Variants in THSD7B observed in about 807,000 individuals in gnomAD.
The protein encoded by THSD7B is thrombospondin type-1 domain-containing protein 7B.
Under a neutral mutation model 213.6 loss-of-function variants are expected in THSD7B, and 138 were observed. That is an observed-to-expected ratio of 0.65 (90% CI 0.56 to 0.74). The LOEUF is 0.74. THSD7B is among the 30% of genes least tolerant of loss of function. The pLI, the probability that THSD7B is intolerant of heterozygous loss-of-function variation, is 0.00. For synonymous variants in THSD7B, 742 were observed against 687.0 expected, an observed-to-expected ratio of 1.08 and a Z score of -1.25; for missense variants, 1,931 against 1,991.5, an observed-to-expected ratio of 0.97 and a Z score of 0.58.
chr2:136,814,305 T>C (rs1682435507), intron 1 of THSD7B, among the ~76,000 whole-genome samples: 1 of 152,208 alleles, frequency 6.6e-6, no homozygotes, highest in Non-Finnish European at 1.5e-5. Context: ...GGTAATTATG[T>C]ATACGTAATT....
intron 4 of THSD7B, among the ~76,000 whole-genome samples, chr2:137,100,482 G>A (rs1411447594): frequency 6.6e-6 from 1 of 151,946 alleles, no homozygotes. Flanking sequence ...CCTTACAGAT[G>A]GCCCAGAACA....
At chr2:136,869,557 C>T (rs778176) in intron 1 of THSD7B, among the ~76,000 whole-genome samples, 91,483 of 151,944 alleles carry the variant, frequency 0.6, 28,020 homozygotes, top group Middle Eastern at 0.73. Context: ...CGATAACAGT[C>T]GTTGTTGAAT....
At chr2:137,028,735 C>T (rs1011106264) in intron 2 of THSD7B, among the ~76,000 whole-genome samples, 1 of 152,164 alleles carries the variant, frequency 6.6e-6, no homozygotes, top group Non-Finnish European at 1.5e-5. Flanking sequence ...GGCAACCTAC[C>T]GCAGTGATGG....
chr2:137,242,409 G>C (rs10490735), intron 9 of THSD7B, 48 bp from the exon 10 acceptor site: 374,073 of 1,438,020 alleles, frequency 0.26, 52,083 homozygotes, highest in East Asian at 0.5. Context: ...TGCGTTCAAC[G>C]GCTTAGTCTC....
chr2:137,241,329 T>C (rs951656003), intron 9 of THSD7B, among the ~76,000 whole-genome samples: 3 of 152,242 alleles, frequency 2.0e-5, no homozygotes, highest in African/African-American at 7.2e-5. Context: ...TGTAACACTG[T>C]TGTAGAATAT....
At chr2:137,074,112 A>G (rs1558909470) in intron 3 of THSD7B, among the ~76,000 whole-genome samples, 1 of 150,690 alleles carries the variant, frequency 6.6e-6, no homozygotes, top group Non-Finnish European at 1.5e-5. Context: ...CGCTTGGTAC[A>G]GAGCTGAGTT....
chr2:136,896,956 A>ATAT (rs1553456365), intron 2 of THSD7B, among the ~76,000 whole-genome samples: 1,858 of 150,240 alleles, frequency 0.012, 28 homozygotes, highest in East Asian at 0.082. Context: ...ATATATATAT[A>ATAT]TTTTTTTAAG....
intron 12 of THSD7B, among the ~76,000 whole-genome samples, chr2:137,330,801 G>A (rs535546196): frequency 3.2e-4 from 49 of 152,054 alleles, no homozygotes; most frequent in Non-Finnish European, 5.0e-4. Flanking sequence ...GGCCCCAAGC[G>A]GGTTGCCACT....
At chr2:137,077,961 G>A (rs1172433747) in intron 3 of THSD7B, among the ~76,000 whole-genome samples, 2 of 152,108 alleles carry the variant, frequency 1.3e-5, no homozygotes, top group African/African-American at 4.8e-5. Context: ...GGTTTCAGGT[G>A]TAACATTTAA....
At chr2:137,010,136 A>G (rs928473109) in intron 2 of THSD7B, among the ~76,000 whole-genome samples, 17 of 152,186 alleles carry the variant, frequency 1.1e-4, no homozygotes, top group African/African-American at 4.1e-4. Context: ...CTGTGTAGAC[A>G]TCTTCAATTG....
intron 1 of THSD7B, among the ~76,000 whole-genome samples, chr2:136,826,454 GC>G (rs1185085543): frequency 6.6e-6 from 1 of 152,158 alleles, no homozygotes; most frequent in East Asian, 1.9e-4. Context: ...TTGTTACAGA[GC>G]TCTTTGATTA....
chr2:137,675,691 CTAATA>C (rs1683684696), intron 27 of THSD7B, among the ~76,000 whole-genome samples: 1 of 151,820 alleles, frequency 6.6e-6, no homozygotes, highest in Non-Finnish European at 1.5e-5. Context: ...GCAATAGATG[CTAATA>C]TAATATAAAA....
intron 2 of THSD7B, among the ~76,000 whole-genome samples, chr2:137,026,274 G>C (rs1686553810): frequency 6.6e-6 from 1 of 152,112 alleles, no homozygotes; most frequent in African/African-American, 2.4e-5. Context: ...TTCTTGTTTA[G>C]AACCTAGATC....
intron 12 of THSD7B, among the ~76,000 whole-genome samples, chr2:137,279,193 T>G (rs1398106910): frequency 6.6e-6 from 1 of 152,266 alleles, no homozygotes; most frequent in East Asian, 1.9e-4. Flanking sequence ...TTATCATTAT[T>G]CAAGTTTCAG....
chr2:137,021,426 T>G (rs1023710234), intron 2 of THSD7B, among the ~76,000 whole-genome samples: 1 of 152,246 alleles, frequency 6.6e-6, no homozygotes, highest in African/African-American at 2.4e-5. Context: ...GTGCATTAAG[T>G]TTTTAATTTT....
chr2:137,316,256 T>C (rs1000945692), intron 12 of THSD7B, among the ~76,000 whole-genome samples: 4 of 152,196 alleles, frequency 2.6e-5, no homozygotes, highest in Admixed American at 2.0e-4. Flanking sequence ...AACTAGGAAG[T>C]TGTAGAACTT....
At chr2:137,598,877 CT>C (rs57408242) in intron 17 of THSD7B, among the ~76,000 whole-genome samples, 38,135 of 138,106 alleles carry the variant, frequency 0.28, 6,176 homozygotes, top group African/African-American at 0.49. Context: ...CATTTTGGTT[CT>C]TTTTTTTTTT....
chr2:137,453,052 ACCC>A (rs1687683502), intron 15 of THSD7B, among the ~76,000 whole-genome samples: 1 of 152,094 alleles, frequency 6.6e-6, no homozygotes, highest in Non-Finnish European at 1.5e-5. Flanking sequence ...TCAAAAAAGA[ACCC>A]TGTATAATGA....
intron 3 of THSD7B, among the ~76,000 whole-genome samples, chr2:137,077,584 G>T (rs1341994768): frequency 6.6e-6 from 1 of 152,136 alleles, no homozygotes. Context: ...CAGTGATGAT[G>T]AGCATTTTTT....
Sources: gnomAD v4.1 joint callset for allele counts (sites outside exome capture counted in the v4.1 genomes callset) on GRCh38, gnomAD v4.1.1 for gene constraint, MANE v1.5 for transcripts, NCBI Gene and HGNC (gene_info 2026-07-23, HGNC 2026-07-21) for gene names.